The following MREG variants were observed in gnomAD, a reference collection of about 807,000 sequenced individuals.
MREG encodes dilute suppressor protein homolog.
A neutral mutation model predicts 28.5 loss-of-function variants in MREG; 31 were observed. The observed-to-expected ratio is 1.09, with a 90% CI of 0.82 to 1.47. The LOEUF is 1.47. Ranked by LOEUF, MREG falls within the 40% of genes most tolerant of loss-of-function variation. The probability of loss-of-function intolerance (pLI) is 0.00; values close to 1 mark genes in which losing one functional copy is unlikely to be tolerated. For synonymous variants in MREG, 106 were observed against 95.2 expected, an observed-to-expected ratio of 1.11 and a Z score of -0.66; for missense variants, 256 against 257.4, an observed-to-expected ratio of 0.99 and a Z score of 0.04.
chr2:216,023,299 T>C (rs992187389), intron 1 of MREG, among the ~76,000 whole-genome samples: 3 of 152,254 alleles, frequency 2.0e-5, no homozygotes, highest in Non-Finnish European at 2.9e-5. Context: ...GGATCTCAAA[T>C]AGGTTCTAAA....
intron 2 of MREG, among the ~76,000 whole-genome samples, chr2:215,990,779 A>G (rs560232497): frequency 6.6e-6 from 1 of 152,376 alleles, no homozygotes; most frequent in Admixed American, 6.5e-5. Flanking sequence ...AAGCCAAAAA[A>G]GATCAAAAAA....
intron 2 of MREG, among the ~76,000 whole-genome samples, chr2:215,963,993 C>T (rs1328412408): frequency 6.6e-6 from 1 of 152,118 alleles, no homozygotes; most frequent in East Asian, 1.9e-4. Context: ...TGTTTTCACA[C>T]CCATAATCTC....
intron 1 of MREG, among the ~76,000 whole-genome samples, chr2:216,006,110 C>G (rs948838195): frequency 6.6e-6 from 1 of 152,100 alleles, no homozygotes; most frequent in African/African-American, 2.4e-5. Flanking sequence ...AAAATCACTT[C>G]AAGAGTCTAG....
At chr2:216,004,171 C>T (rs1014361381) in intron 1 of MREG, among the ~76,000 whole-genome samples, 6 of 152,168 alleles carry the variant, frequency 3.9e-5, no homozygotes, top group Admixed American at 6.5e-5. Context: ...CTGACAGCCA[C>T]GTCCTCACTC....
intron 2 of MREG, among the ~76,000 whole-genome samples, chr2:215,978,130 C>G (rs189580694): frequency 6.6e-6 from 1 of 151,916 alleles, no homozygotes; most frequent in Non-Finnish European, 1.5e-5. Flanking sequence ...ATTGATAGAC[C>G]ACTAGTAAGA....
At chr2:215,966,875 C>T (rs1692956309) in intron 2 of MREG, among the ~76,000 whole-genome samples, 1 of 152,206 alleles carries the variant, frequency 6.6e-6, no homozygotes, top group Non-Finnish European at 1.5e-5. Context: ...GCTGGGATTA[C>T]AGGCATGAGC....
At chr2:216,015,125 G>C (rs946751830), upstream of MREG, among the ~76,000 whole-genome samples, 7 of 152,064 alleles carry the variant, frequency 4.6e-5, no homozygotes, top group African/African-American at 1.2e-4. Context: ...GCACGCGTGT[G>C]TGTGCGCGCG....
At chr2:215,959,608 G>T (rs978864740) in intron 2 of MREG, among the ~76,000 whole-genome samples, 2 of 152,186 alleles carry the variant, frequency 1.3e-5, no homozygotes, top group Non-Finnish European at 2.9e-5. Context: ...AACTTCAGTT[G>T]TTCCATACCG....
At chr2:215,995,581 G>C (rs985853762) in intron 2 of MREG, among the ~76,000 whole-genome samples, 20 of 119,378 alleles carry the variant, frequency 1.7e-4, no homozygotes, top group Non-Finnish European at 1.6e-5. Flanking sequence ...TCTACACAAA[G>C]AAGCATGCAG....
chr2:215,994,254 C>A (rs1276580767), intron 2 of MREG, among the ~76,000 whole-genome samples: 1 of 151,884 alleles, frequency 6.6e-6, no homozygotes, highest in East Asian at 1.9e-4. Context: ...GAGTTCATGT[C>A]CTTTGCAGGG....
intron 2 of MREG, among the ~76,000 whole-genome samples, chr2:215,960,824 A>T (rs1286983264): frequency 1.3e-5 from 2 of 151,978 alleles, no homozygotes; most frequent in Non-Finnish European, 2.9e-5. Flanking sequence ...ACAGGGCGAG[A>T]CTCCATCACA....
At chr2:216,003,751 C>T (rs1694081273) in intron 1 of MREG, among the ~76,000 whole-genome samples, 1 of 152,192 alleles carries the variant, frequency 6.6e-6, no homozygotes, top group Admixed American at 6.5e-5. Context: ...CCCTTGACGG[C>T]ATCCCCCACT....
chr2:216,026,530 T>C (rs1694596829), intron 1 of MREG, among the ~76,000 whole-genome samples: 1 of 152,054 alleles, frequency 6.6e-6, no homozygotes, highest in Non-Finnish European at 1.5e-5. Context: ...CCAGCTAATT[T>C]TTTTATTTTT....
intron 4 of MREG, 29 bp from the exon 5 acceptor site, chr2:215,945,026 C>T: frequency 6.5e-7 from 1 of 1,547,284 alleles, no homozygotes; most frequent in Non-Finnish European, 8.8e-7. Flanking sequence ...AACCAAAAAA[C>T]TGCTGGCAAG....
intron 2 of MREG, among the ~76,000 whole-genome samples, chr2:215,961,090 G>C (rs1190235048): frequency 2.0e-5 from 3 of 152,232 alleles, no homozygotes; most frequent in Non-Finnish European, 4.4e-5. Flanking sequence ...TGAGAGGATA[G>C]GCAAAAGACT....
chr2:215,975,581 C>T (rs1252251529), intron 2 of MREG, among the ~76,000 whole-genome samples: 1 of 152,160 alleles, frequency 6.6e-6, no homozygotes. Flanking sequence ...TGGGCTCAGC[C>T]AAGAGAAAAA....
intron 1 of MREG, among the ~76,000 whole-genome samples, chr2:216,004,566 A>AAC (rs952472068): frequency 3.4e-4 from 10 of 29,780 alleles, no homozygotes; most frequent in African/African-American, 1.4e-3. Context: ...AAAACAAACA[A>AAC]AAAAAAAAAA....
At chr2:215,982,434 AAAG>A (rs1179219302) in intron 2 of MREG, among the ~76,000 whole-genome samples, 1 of 152,234 alleles carries the variant, frequency 6.6e-6, no homozygotes, top group Admixed American at 6.5e-5. Context: ...GGGGATGAGC[AAAG>A]AATAGAAACA....
chr2:215,995,012 TGG>T (rs1326986671), intron 2 of MREG, among the ~76,000 whole-genome samples: 1 of 152,198 alleles, frequency 6.6e-6, no homozygotes, highest in African/African-American at 2.4e-5. Context: ...AAACCTTAAC[TGG>T]TTAATGTAAT....
Sources: gnomAD v4.1 joint callset for allele counts (sites outside exome capture counted in the v4.1 genomes callset) on GRCh38, gnomAD v4.1.1 for gene constraint, MANE v1.5 for transcripts, NCBI Gene and HGNC (gene_info 2026-07-23, HGNC 2026-07-21) for gene names.